SREBF2: variants seen among roughly 807,000 people sequenced by gnomAD.
SREBF2 encodes sterol regulatory element binding transcription factor 2.
A neutral mutation model predicts 113.1 loss-of-function variants in SREBF2; 55 were observed. The ratio of observed to expected loss-of-function variants is 0.49; its 90% CI spans 0.39 to 0.61. The LOEUF (loss-of-function observed/expected upper bound fraction) is 0.61. SREBF2 is among the 20% of genes least tolerant of loss of function. The pLI is 0.00. For missense variants in SREBF2, 1,349 were observed against 1,487.4 expected (o/e 0.91, Z 1.53); for synonymous variants, 593 against 605.7 (o/e 0.98, Z 0.31).
chr22:41,873,925 G>A lies in SREBF2; in HGVS notation c.995G>A (p.Arg332Gln), dbSNP rs959434648. The part of the protein sequence containing the change: ...QLEPPKEGER[R>Q]TTHNIIEKRY... ...GAGCCCCCCAAAGAAGGAGAAAGGC[G>A]GACAACCCATAATATCATTGAGAAA... The change falls in exon 5 of 19, where the codon CGG becomes CAG. Residue 332 changes from arginine (R) to glutamine (Q), a missense_variant. Around this residue, in one of 2 missense-constraint regions of SREBF2, gnomAD observed 699 missense variants for 843.3 expected, o/e 0.83. Transcript: ENST00000361204. 5 of 1,613,974 alleles carry A rather than the reference G, an allele frequency of 3.1e-6. No homozygotes were observed. The highest frequency in any genetic ancestry group is 1.6e-4 in the Middle Eastern group (1 of 6,082).
chr22:41,862,764 CT>C (rs1396782765), intron 1 of SREBF2, among the ~76,000 whole-genome samples: 3 of 152,214 alleles, frequency 2.0e-5, no homozygotes, highest in Non-Finnish European at 4.4e-5. Flanking sequence ...GCGTGCCCTT[CT>C]GGAGCTTCCC....
Position 41,875,702 on chromosome 22 carries a change from G to A in SREBF2, c.1364G>A (p.Ser455Asn), listed in dbSNP as rs754712527. Reference protein sequence around the residue: ...SPYSIDSEPGSPLLDDAKVKD... With the variant: ...SPYSIDSEPGNPLLDDAKVKD... ...TACTCCATTGACTCTGAGCCAGGAA[G>A]CCCTCTATTGGATGATGCAAAGGTA... The change falls in exon 7 of 19, where the codon AGC (serine) becomes AAC (asparagine). Residue 455 changes from serine to asparagine, a missense_variant. By Grantham distance (46) the Ser-to-Asn change is conservative. Coordinates refer to ENST00000361204, the MANE Select transcript of SREBF2 (RefSeq NM_004599.4). 6.2e-7 allele frequency: 1 copy of A among 1,614,218 alleles called. No individual in the cohort carries two copies. The highest frequency in any genetic ancestry group is 8.5e-7 in the Non-Finnish European group (1 of 1,180,040).
rs770444190 is a variant in SREBF2 at position 41,868,782 on chromosome 22, A to C, written c.710A>C (p.Gln237Pro). 1.2e-6 allele frequency: 2 copies of C among 1,611,114 alleles called. No homozygotes were observed. Among genetic ancestry groups the C allele is most frequent in the South Asian group, 2.2e-5 (2 of 90,696 alleles). The part of the protein sequence containing the change: ...TVQTVAAPQV[Q>P]QVPVLVQPQI... ...CAGACAGTTGCTGCGCCACAGGTGCAGCAGGTCCCGGTAAGTGGCTGGAAA... is the reference window on the plus strand; with the variant it reads ...CAGACAGTTGCTGCGCCACAGGTGCCGCAGGTCCCGGTAAGTGGCTGGAAA... Residue 237 changes from glutamine to proline, a missense_variant, in exon 3 of 19, where the codon CAG becomes CCG. Transcript: ENST00000361204.
intron 11 of SREBF2, among the ~76,000 whole-genome samples, chr22:41,890,854 G>A (rs1034879355): frequency 6.6e-5 from 10 of 151,538 alleles, no homozygotes; most frequent in African/African-American, 2.2e-4. Context: ...GTTGCAGTGA[G>A]CCAAGATCAC....
intron 13 of SREBF2, among the ~76,000 whole-genome samples, chr22:41,896,081 C>T (rs550593738): frequency 1.3e-5 from 2 of 151,112 alleles, no homozygotes; most frequent in South Asian, 4.2e-4. Context: ...GCGGAGCTTG[C>T]AGTGAGCCAA....
chr22:41,848,083 T>C (rs768891467), intron 1 of SREBF2, among the ~76,000 whole-genome samples: 1 of 151,068 alleles, frequency 6.6e-6, no homozygotes, highest in Admixed American at 6.6e-5. Context: ...GCCCAGCTAA[T>C]TTTTTTTTGT....
chr22:41,855,842 G>A (rs2076972288), intron 1 of SREBF2, among the ~76,000 whole-genome samples: 3 of 150,320 alleles, frequency 2.0e-5, no homozygotes. Flanking sequence ...CTGCAGCCTT[G>A]AACTCTGGCC....
intron 11 of SREBF2, among the ~76,000 whole-genome samples, chr22:41,889,079 C>A (rs2077329521): frequency 6.6e-6 from 1 of 152,156 alleles, no homozygotes; most frequent in Admixed American, 6.5e-5. Context: ...CACTATGTCT[C>A]AGTAAATTTT....
chr22:41,872,856 A>C (rs1179214725), intron 4 of SREBF2, among the ~76,000 whole-genome samples: 6 of 150,454 alleles, frequency 4.0e-5, no homozygotes, highest in Non-Finnish European at 8.8e-5. Flanking sequence ...ACGCCACTGC[A>C]CTCCAGCTTT....
At chr22:41,858,807 T>C (rs2076999435) in intron 1 of SREBF2, among the ~76,000 whole-genome samples, 1 of 151,020 alleles carries the variant, frequency 6.6e-6, no homozygotes, top group African/African-American at 2.4e-5. Flanking sequence ...CAATAAAAAA[T>C]CTCATAGGTG....
At chr22:41,848,076 C>T (rs984083496) in intron 1 of SREBF2, among the ~76,000 whole-genome samples, 8 of 151,790 alleles carry the variant, frequency 5.3e-5, no homozygotes. Flanking sequence ...CCACCACGCC[C>T]AGCTAATTTT....
At chr22:41,898,170 G>A (rs1447727925) in intron 14 of SREBF2, among the ~76,000 whole-genome samples, 1 of 152,136 alleles carries the variant, frequency 6.6e-6, no homozygotes, top group Non-Finnish European at 1.5e-5. Flanking sequence ...GAGTGCAATG[G>A]CACGATCTCG....
intron 1 of SREBF2, among the ~76,000 whole-genome samples, chr22:41,853,430 G>C (rs1182400299): frequency 6.6e-6 from 1 of 152,188 alleles, no homozygotes. Flanking sequence ...GCTGGATTCT[G>C]TGATTTTGTC....
chr22:41,834,200 C>T (rs2076746881), intron 1 of SREBF2, among the ~76,000 whole-genome samples: 1 of 152,126 alleles, frequency 6.6e-6, no homozygotes, highest in African/African-American at 2.4e-5. Flanking sequence ...GAGCCTAGTT[C>T]TTGCAGTTCC....
Position 41,877,335 on chromosome 22 carries a change from C to A in SREBF2, c.1493C>A (p.Thr498Asn). The A allele has an allele frequency of 6.2e-7, 1 of 1,614,196 alleles. No individual in the cohort carries two copies. Among genetic ancestry groups the A allele is most frequent in the South Asian group, 1.1e-5 (1 of 91,090 alleles). The change falls in exon 8 of 19, where the codon ACT becomes AAT. Residue 498 changes from threonine to asparagine, a missense_variant. Thr to Asn is a moderately conservative substitution (Grantham distance 65, BLOSUM62 0). Transcript: ENST00000361204. ...TFLCLSFNPL[T>N]SLLQWGGAHD... ...CTGTGCCTCTCCTTTAACCCCCTGACTTCCCTGCTGCAGTGGGGAGGGGCC... is the reference window on the plus strand; with the variant it reads ...CTGTGCCTCTCCTTTAACCCCCTGAATTCCCTGCTGCAGTGGGGAGGGGCC...
At chr22:41,883,798 C>T (rs1393341771) in intron 10 of SREBF2, among the ~76,000 whole-genome samples, 1 of 152,194 alleles carries the variant, frequency 6.6e-6, no homozygotes, top group Non-Finnish European at 1.5e-5. Flanking sequence ...GCTGGATGAG[C>T]ACGGGAAGCC....
Position 41,905,999 on chromosome 22 carries a change from G to C in SREBF2, c.*339G>C. The stretch of plus-strand genomic sequence containing the variant: ...TCCTGAACCCTACTCTCTCCTTTTT[G>C]CTTCCTCAGTTTTTATCAGGCTTTC... On this transcript the variant is annotated 3_prime_UTR_variant, in exon 19 of 19. Coordinates refer to ENST00000361204, the MANE Select transcript of SREBF2 (RefSeq NM_004599.4). 1 of 535,332 alleles carries C rather than the reference G, an allele frequency of 1.9e-6. No individual in the cohort carries two copies. Among genetic ancestry groups the C allele is most frequent in the South Asian group, 1.5e-5 (1 of 65,260 alleles). 33.2% of individuals were successfully genotyped at this position (535,332 alleles called of 1,614,324 possible). A position where few individuals can be genotyped will look rare whatever the true frequency, so the allele number is the denominator to read the frequency against.
At chr22:41,893,386 T>G in intron 12 of SREBF2, 101 bp downstream of exon 12, 4 of 1,333,774 alleles carry the variant, frequency 3.0e-6, no homozygotes. Context: ...GGTTGTCTCT[T>G]AATCTTGTTG....
At chr22:41,864,612 G>C (rs985209004) in intron 1 of SREBF2, among the ~76,000 whole-genome samples, 1 of 151,610 alleles carries the variant, frequency 6.6e-6, no homozygotes, top group South Asian at 2.1e-4. Flanking sequence ...GAGTCACCGC[G>C]CCCGGCCCAA....
Sources: gnomAD v4.1 joint callset for allele counts (sites outside exome capture counted in the v4.1 genomes callset) on GRCh38, gnomAD v4.1.1 for gene constraint, gnomAD v4.1.1 regional missense constraint, MANE v1.5 for transcripts, NCBI Gene and HGNC (gene_info 2026-07-23, HGNC 2026-07-21) for gene names.